Variants in ACER2 observed in about 807,000 individuals in gnomAD.
ACER2 encodes the protein alkaline ceramidase 2, also known as alkCDase 2.
In ACER2, 26 loss-of-function variants were observed where a neutral mutation model predicts 34.7. The observed-to-expected ratio is 0.75, with a 90% CI of 0.55 to 1.04. ACER2 has a LOEUF of 1.04. ACER2 is among the 50% of genes least tolerant of loss of function. The probability of loss-of-function intolerance (pLI) is 0.00; values close to 1 mark genes in which losing one functional copy is unlikely to be tolerated. For missense variants in ACER2, 352 were observed against 340.8 expected, an observed-to-expected ratio of 1.03 and a Z score of -0.26; for synonymous variants, 138 against 132.1, an observed-to-expected ratio of 1.04 and a Z score of -0.31.
intron 4 of ACER2, among the ~76,000 whole-genome samples, chr9:19,438,650 A>G (rs1435268070): frequency 6.6e-6 from 1 of 152,242 alleles, no homozygotes; most frequent in Non-Finnish European, 1.5e-5. Context: ...CTTGAAGTGA[A>G]TAGAATGTTC....
At chr9:19,422,024 C>G (rs1458194721) in intron 1 of ACER2, among the ~76,000 whole-genome samples, 1 of 151,778 alleles carries the variant, frequency 6.6e-6, no homozygotes, top group East Asian at 1.9e-4. Flanking sequence ...TGACTCATGC[C>G]TATAATCCCA....
At chr9:19,414,402 G>T (rs1830176835) in intron 1 of ACER2, among the ~76,000 whole-genome samples, 1 of 152,216 alleles carries the variant, frequency 6.6e-6, no homozygotes, top group Non-Finnish European at 1.5e-5. Flanking sequence ...ATCAGGATGA[G>T]ACTGCAGTAT....
intron 3 of ACER2, among the ~76,000 whole-genome samples, chr9:19,432,277 A>T (rs945078618): frequency 6.6e-5 from 10 of 152,164 alleles, no homozygotes; most frequent in African/African-American, 2.4e-4. Context: ...ATTTTTTCTT[A>T]AAACTTTTTT....
At chr9:19,433,963 C>T (rs1165305467) in intron 3 of ACER2, among the ~76,000 whole-genome samples, 2 of 151,970 alleles carry the variant, frequency 1.3e-5, no homozygotes, top group Non-Finnish European at 2.9e-5. Context: ...GACCCCCCCA[C>T]CTCCCTCCCG....
chr9:19,422,822 A>C (rs916338664), intron 1 of ACER2, among the ~76,000 whole-genome samples: 2 of 152,216 alleles, frequency 1.3e-5, no homozygotes, highest in Non-Finnish European at 2.9e-5. Flanking sequence ...ACCTGAGGTC[A>C]GGAGTTTGAG....
intron 3 of ACER2, among the ~76,000 whole-genome samples, chr9:19,431,853 A>T (rs764707114): frequency 1.3e-5 from 2 of 152,228 alleles, no homozygotes; most frequent in East Asian, 3.8e-4. Context: ...TGAGGGTTCA[A>T]TGCCCTTTGA....
intron 3 of ACER2, among the ~76,000 whole-genome samples, chr9:19,427,876 C>G (rs373994770): frequency 1.2e-4 from 18 of 152,138 alleles, no homozygotes; most frequent in Admixed American, 3.9e-4. Flanking sequence ...CCATGTTAGC[C>G]AGGATGGTCT....
At chr9:19,432,553 T>TAC (rs1352351590) in intron 3 of ACER2, among the ~76,000 whole-genome samples, 1 of 137,576 alleles carries the variant, frequency 7.3e-6, no homozygotes, top group African/African-American at 3.1e-5. Flanking sequence ...TATATATATG[T>TAC]GTGTGTGTGT....
intron 1 of ACER2, among the ~76,000 whole-genome samples, chr9:19,414,234 A>T (rs1396491859): frequency 6.6e-6 from 1 of 152,180 alleles, no homozygotes; most frequent in Non-Finnish European, 1.5e-5. Context: ...AAACAATGGA[A>T]TGGGTAGTTA....
At chr9:19,435,575 T>A (rs1830936966) in intron 4 of ACER2, among the ~76,000 whole-genome samples, 1 of 152,184 alleles carries the variant, frequency 6.6e-6, no homozygotes, top group African/African-American at 2.4e-5. Context: ...CATTTTCTTT[T>A]GGGAACTTGT....
rs368407839 is a variant in ACER2 at position 19,431,681 on chromosome 9, G to A, written c.366-3266G>A. On this transcript the variant is annotated intron_variant, in intron 3 of 5. Coordinates refer to ENST00000340967, the MANE Select transcript of ACER2 (RefSeq NM_001010887.3). ...CAGGAGAAAAACATGCCTCTCCTGAGGATTAGCTGCCTGGAGCCTTTCCCA... is the reference window on the plus strand; with the variant it reads ...CAGGAGAAAAACATGCCTCTCCTGAAGATTAGCTGCCTGGAGCCTTTCCCA... Among the ~76,000 whole-genome samples, 114 of 152,264 alleles carry A rather than the reference G, an allele frequency of 7.5e-4. 2 individuals are homozygous for A. The South Asian group carries it at 0.022, about 30-fold the overall frequency.
intron 1 of ACER2, among the ~76,000 whole-genome samples, chr9:19,412,116 G>T (rs939389765): frequency 1.3e-5 from 2 of 152,088 alleles, no homozygotes; most frequent in African/African-American, 4.8e-5. Flanking sequence ...TTATTATTTA[G>T]TCATTCCATA....
intron 1 of ACER2, among the ~76,000 whole-genome samples, chr9:19,414,203 G>T (rs1371361064): frequency 2.0e-5 from 3 of 152,212 alleles, no homozygotes; most frequent in African/African-American, 7.2e-5. Flanking sequence ...ACGACAGTTG[G>T]TCATCCCAGG....
rs1219844804 is a variant in ACER2 at position 19,409,031 on chromosome 9, G to A, written c.-54G>A. On this transcript the variant is annotated 5_prime_UTR_variant, in exon 1 of 6. Coordinates refer to ENST00000340967, the MANE Select transcript of ACER2 (RefSeq NM_001010887.3). ...GTCGCCGCGTTTTGCCTCCGCAGCA[G>A]CTCTGGGCTCTTCTCAGCTGCGCGA... 2 of 1,477,008 alleles carry A rather than the reference G, an allele frequency of 1.4e-6. No homozygotes were observed. The highest frequency in any genetic ancestry group is 2.5e-5 in the East Asian group (1 of 39,670). The allele number at this position is 1,477,008 out of a possible 1,614,324, so 91.5% of individuals were successfully genotyped here. A position where few individuals can be genotyped will look rare whatever the true frequency, so the allele number is the denominator to read the frequency against.
At chr9:19,426,922 A>G (rs570218744) in intron 3 of ACER2, among the ~76,000 whole-genome samples, 8 of 152,292 alleles carry the variant, frequency 5.3e-5, no homozygotes, top group Admixed American at 3.3e-4. Context: ...TGTGAGGCAG[A>G]GTTGTCTGTG....
At chr9:19,415,452 G>A (rs1212091260) in intron 1 of ACER2, among the ~76,000 whole-genome samples, 11 of 151,848 alleles carry the variant, frequency 7.2e-5, no homozygotes, top group South Asian at 2.1e-4. Context: ...CCAAGATTTC[G>A]CCACTGTACT....
chr9:19,417,738 C>G (rs1366129237), intron 1 of ACER2, among the ~76,000 whole-genome samples: 1 of 152,126 alleles, frequency 6.6e-6, no homozygotes, highest in Non-Finnish European at 1.5e-5. Context: ...AACATAAGAC[C>G]TAAAACCATG....
intron 1 of ACER2, 119 bp from the exon 2 acceptor site, chr9:19,423,743 A>G: frequency 1.3e-6 from 1 of 751,600 alleles, no homozygotes; most frequent in Non-Finnish European, 2.3e-6. Flanking sequence ...GCAAGAGCTT[A>G]AACGAGATGT....
intron 1 of ACER2, among the ~76,000 whole-genome samples, chr9:19,413,784 C>T (rs1459181342): frequency 6.6e-6 from 1 of 152,046 alleles, no homozygotes; most frequent in Admixed American, 6.6e-5. Flanking sequence ...AAAATACATG[C>T]ATAAAATCAG....
Sources: allele counts gnomAD v4.1 joint callset (sites outside exome capture counted in the v4.1 genomes callset), GRCh38; gene constraint gnomAD v4.1.1; transcripts MANE v1.5; gene names NCBI Gene and HGNC (gene_info 2026-07-23, HGNC 2026-07-21).